COLGALT2: variants seen among roughly 807,000 people sequenced by gnomAD.
The protein encoded by COLGALT2 is collagen beta(1-O)galactosyltransferase 2.
COLGALT2 carries 49 observed loss-of-function variants against 73.4 expected under a neutral mutation model. The ratio of observed to expected loss-of-function variants is 0.67; its 90% CI spans 0.53 to 0.85. COLGALT2 has a LOEUF of 0.85. Among genes scored for constraint, COLGALT2 ranks in the 40% least tolerant of loss-of-function variants. The pLI is 0.00. For synonymous variants in COLGALT2, 295 were observed against 307.6 expected, an observed-to-expected ratio of 0.96 and a Z score of 0.43; for missense variants, 722 against 790.2, an observed-to-expected ratio of 0.91 and a Z score of 1.03.
chr1:183,994,147 T>C (rs1457777996), intron 1 of COLGALT2, among the ~76,000 whole-genome samples: 1 of 143,260 alleles, frequency 7.0e-6, no homozygotes, highest in East Asian at 2.2e-4. Flanking sequence ...CACACCATTC[T>C]CCTGCCTCAG....
chr1:183,995,870 G>A (rs558444986), intron 1 of COLGALT2, among the ~76,000 whole-genome samples: 113 of 151,778 alleles, frequency 7.4e-4, no homozygotes, highest in African/African-American at 2.6e-3. Context: ...TAAAAATTAC[G>A]TATACCCCAT....
At chr1:183,959,197 G>A (rs1205549797) in intron 6 of COLGALT2, among the ~76,000 whole-genome samples, 1 of 151,980 alleles carries the variant, frequency 6.6e-6, no homozygotes, top group African/African-American at 2.4e-5. Context: ...TCTTCCCCAG[G>A]GATCTGTCCT....
intron 8 of COLGALT2, 66 bp downstream of exon 8, chr1:183,950,939 ACT>A: frequency 3.3e-6 from 4 of 1,197,394 alleles, no homozygotes; most frequent in African/African-American, 1.5e-5. Context: ...CCTGGGACTA[ACT>A]CTCTGTCAGA....
intron 1 of COLGALT2, among the ~76,000 whole-genome samples, chr1:184,026,327 C>G (rs1035093445): frequency 6.6e-6 from 1 of 151,962 alleles, no homozygotes; most frequent in Non-Finnish European, 1.5e-5. Flanking sequence ...ATAAAAGATA[C>G]AAAAATAAAG....
intron 1 of COLGALT2, among the ~76,000 whole-genome samples, chr1:184,000,093 G>A (rs1490512132): frequency 6.6e-6 from 1 of 151,962 alleles, no homozygotes; most frequent in African/African-American, 2.4e-5. Flanking sequence ...TTATAATTGT[G>A]ACTTTTATTT....
At chr1:183,991,084 T>C (rs1671617207) in intron 1 of COLGALT2, among the ~76,000 whole-genome samples, 1 of 152,198 alleles carries the variant, frequency 6.6e-6, no homozygotes, top group South Asian at 2.1e-4. Context: ...AGCTGCCACA[T>C]AGTCTGGGTT....
intron 1 of COLGALT2, among the ~76,000 whole-genome samples, chr1:184,016,754 T>C (rs1331768707): frequency 6.6e-6 from 1 of 152,184 alleles, no homozygotes; most frequent in African/African-American, 2.4e-5. Context: ...AAAGAAATTA[T>C]AATATTTTTA....
chr1:183,954,343 A>G (rs1670495364), intron 7 of COLGALT2, among the ~76,000 whole-genome samples: 1 of 152,190 alleles, frequency 6.6e-6, no homozygotes, highest in South Asian at 2.1e-4. Flanking sequence ...TAGTAGAAAT[A>G]AAAGAAAGCA....
chr1:183,954,752 C>T lies in COLGALT2; in HGVS notation c.1029+10G>A. ...GTGCATGTGCACACACATATAGACA[C>T]CTTTCCTACCTCATCAAATCCCATC... On this transcript the variant is annotated intron_variant, in intron 7 of 11. Transcript: ENST00000361927. 6.2e-7 allele frequency: 1 copy of T among 1,603,834 alleles called. No homozygotes were observed. Among genetic ancestry groups the T allele is most frequent in the Non-Finnish European group, 8.5e-7 (1 of 1,170,948 alleles).
intron 1 of COLGALT2, among the ~76,000 whole-genome samples, chr1:183,991,938 G>T (rs1026264995): frequency 2.0e-4 from 30 of 152,040 alleles, no homozygotes; most frequent in Non-Finnish European, 3.8e-4. Flanking sequence ...CATTCCCAGG[G>T]TCTGTGTGGC....
At chr1:183,996,927 C>T (rs7518746) in intron 1 of COLGALT2, among the ~76,000 whole-genome samples, 4,816 of 152,178 alleles carry the variant, frequency 0.032, 258 homozygotes, top group African/African-American at 0.11. Flanking sequence ...TTGAGCTTAT[C>T]GAAAGAATTT....
intron 1 of COLGALT2, among the ~76,000 whole-genome samples, chr1:183,999,687 A>G (rs1671864260): frequency 6.6e-6 from 1 of 152,034 alleles, no homozygotes; most frequent in Admixed American, 6.5e-5. Flanking sequence ...TGTTATATGT[A>G]TTTCTCTCAG....
chr1:183,975,835 A>G (rs1462840025), intron 2 of COLGALT2, among the ~76,000 whole-genome samples: 1 of 152,138 alleles, frequency 6.6e-6, no homozygotes, highest in Non-Finnish European at 1.5e-5. Context: ...ACGCTCCAAA[A>G]CCCTTCTGAA....
intron 1 of COLGALT2, among the ~76,000 whole-genome samples, chr1:184,011,983 G>A (rs1648812675): frequency 6.6e-6 from 1 of 152,180 alleles, no homozygotes. Context: ...ATAAGGGAAG[G>A]AAAAGGGCAG....
chr1:184,019,769 A>C (rs1424101554), intron 1 of COLGALT2, among the ~76,000 whole-genome samples: 1 of 152,200 alleles, frequency 6.6e-6, no homozygotes, highest in African/African-American at 2.4e-5. Flanking sequence ...AGGAAACAGA[A>C]ACATCAAAAG....
At position 184,037,604 on chromosome 1, in the gene COLGALT2, C is replaced by A; in HGVS notation, c.-247G>T. 3 of 1,077,154 alleles carry A rather than the reference C, an allele frequency of 2.8e-6. No homozygotes were observed. Among genetic ancestry groups the A allele is most frequent in the Non-Finnish European group, 3.4e-6 (3 of 890,550 alleles). 66.7% of individuals were successfully genotyped at this position (1,077,154 alleles called of 1,614,324 possible). A position where few individuals can be genotyped will look rare whatever the true frequency, so the allele number is the denominator to read the frequency against. On this transcript the variant is annotated 5_prime_UTR_variant, in exon 1 of 12. Coordinates refer to ENST00000361927, the MANE Select transcript of COLGALT2 (RefSeq NM_015101.4). The stretch of plus-strand genomic sequence containing the variant: ...ACCTGCAGCCGCTGGCGCTCCCCTG[C>A]GCCTCGGGCTCGCAGACAGTAGTGG...
chr1:184,036,070 G>T (rs1649663882), intron 1 of COLGALT2, among the ~76,000 whole-genome samples: 1 of 152,164 alleles, frequency 6.6e-6, no homozygotes, highest in Non-Finnish European at 1.5e-5. Flanking sequence ...ACACAAGACA[G>T]AAATTGCTCC....
At chr1:183,951,159 C>A (rs1195618457) in intron 7 of COLGALT2, 46 bp from the exon 8 acceptor site, 1 of 1,369,362 alleles carries the variant, frequency 7.3e-7, no homozygotes, top group Non-Finnish European at 1.0e-6. Flanking sequence ...TTACTCAAGT[C>A]TTCTTTTAGG....
At chr1:183,945,923 T>C (rs1670236512) in intron 8 of COLGALT2, 1 of 195,470 alleles carries the variant, frequency 5.1e-6, no homozygotes, top group Non-Finnish European at 1.1e-5. Flanking sequence ...GTTAACACAG[T>C]GAGCTTTGTG....
Sources: gnomAD v4.1 joint callset for allele counts (sites outside exome capture counted in the v4.1 genomes callset) on GRCh38, gnomAD v4.1.1 for gene constraint, MANE v1.5 for transcripts, NCBI Gene and HGNC (gene_info 2026-07-23, HGNC 2026-07-21) for gene names.